Variants in PDE5A observed in about 807,000 individuals in gnomAD.
The protein encoded by PDE5A is phosphodiesterase 5A.
In PDE5A, 67 loss-of-function variants were observed where a neutral mutation model predicts 110.2. That is an observed-to-expected ratio of 0.61 (90% CI 0.50 to 0.75). PDE5A has a LOEUF of 0.75. PDE5A is among the 30% of genes least tolerant of loss of function. The pLI is 0.00. For missense variants in PDE5A, 862 were observed against 1,045.1 expected (o/e 0.82, Z 2.42); for synonymous variants, 328 against 351.2 (o/e 0.93, Z 0.74).
At chr4:119,501,013 T>TACAA (rs1725302510) in intron 20 of PDE5A, 157 bp downstream of exon 20, 4 of 593,930 alleles carry the variant, frequency 6.7e-6, no homozygotes, top group Non-Finnish European at 1.2e-5. Context: ...CCTTGTTCAA[T>TACAA]ACAAACATGT....
chr4:119,504,424 T>G, intron 18 of PDE5A, 112 bp downstream of exon 18: 1 of 749,582 alleles, frequency 1.3e-6, no homozygotes, highest in African/African-American at 1.8e-5. Flanking sequence ...CATATAAGTG[T>G]CTTTTTTATA....
intron 9 of PDE5A, among the ~76,000 whole-genome samples, chr4:119,545,554 G>A (rs1196458770): frequency 6.6e-6 from 1 of 152,176 alleles, no homozygotes; most frequent in African/African-American, 2.4e-5. Context: ...CAAACTATCA[G>A]TGTTACCTAA....
Position 119,628,626 on chromosome 4 carries a change from G to C in PDE5A, c.46C>G (p.Gln16Glu). ...PSFGQQRQQQQPQQQKQQQRD... is the reference protein window; with the variant it reads ...PSFGQQRQQQEPQQQKQQQRD... ...TGCTGCTGCTTCTGCTGCTGGGGCT[G>C]CTGCTGCTGTCGCTGCTGCCCGAAG... Residue 16 changes from glutamine to glutamate, a missense_variant, in exon 1 of 21, where the codon CAG becomes GAG. Coordinates refer to ENST00000354960, the MANE Select transcript of PDE5A (RefSeq NM_001083.4). 1 of 1,613,912 alleles carries C rather than the reference G, an allele frequency of 6.2e-7. No homozygotes were observed. Among genetic ancestry groups the C allele is most frequent in the Non-Finnish European group, 8.5e-7 (1 of 1,179,912 alleles).
chr4:119,565,958 TTAA>T (rs1403593947), intron 4 of PDE5A, among the ~76,000 whole-genome samples: 2 of 134,716 alleles, frequency 1.5e-5, no homozygotes, highest in Non-Finnish European at 1.6e-5. Flanking sequence ...TTATTATTAA[TTAA>T]TATTATTATA....
At chr4:119,600,739 ACT>A (rs1053027036) in intron 2 of PDE5A, among the ~76,000 whole-genome samples, 4 of 152,154 alleles carry the variant, frequency 2.6e-5, no homozygotes, top group African/African-American at 9.7e-5. Flanking sequence ...AGAAGGCAAA[ACT>A]CTCTCTTACA....
In PDE5A at chr4:119,525,741, A is replaced by G; in HGVS notation, c.1633-46T>C. ...AAAAAAAAATGCTGTTAATTAAAGC[A>G]GCAGTGATTTGCAAGGTTTTCTTGT... On this transcript the variant is annotated intron_variant, in intron 11 of 20. Coordinates refer to ENST00000354960, the MANE Select transcript of PDE5A (RefSeq NM_001083.4). This position sits in a 1 kb window ranked among gnomAD's most constrained non-coding sequence, Gnocchi z 4.3. 2.6e-6 allele frequency: 4 copies of G among 1,561,742 alleles called. No individual in the cohort carries two copies. Among genetic ancestry groups the G allele is most frequent in the Non-Finnish European group, 3.5e-6 (4 of 1,150,052 alleles).
chr4:119,543,045 T>TACACAC (rs70944890), intron 9 of PDE5A: 7,290 of 124,346 alleles, frequency 0.059, 371 homozygotes, highest in African/African-American at 0.096. Context: ...AAGTTAAACA[T>TACACAC]ACACACACAC....
chr4:119,565,196 ATAAAG>A (rs971841295), intron 5 of PDE5A, 120 bp downstream of exon 5: 9 of 651,652 alleles, frequency 1.4e-5, no homozygotes, highest in Non-Finnish European at 2.4e-5. Flanking sequence ...ACTAGAAAAA[ATAAAG>A]TATTGAGAAA....
intron 11 of PDE5A, among the ~76,000 whole-genome samples, chr4:119,532,601 A>G (rs1027695593): frequency 6.6e-6 from 1 of 152,146 alleles, no homozygotes; most frequent in African/African-American, 2.4e-5. Flanking sequence ...AAGAAACTTT[A>G]TAGAAAATAA....
At chr4:119,512,288 T>C (rs1725769700) in intron 14 of PDE5A, 1 of 152,174 alleles carries the variant, frequency 6.6e-6, no homozygotes. Context: ...TATTTACTGT[T>C]GTCCTAACCT....
At chr4:119,572,788 A>T (rs1371140320) in intron 3 of PDE5A, among the ~76,000 whole-genome samples, 1 of 152,204 alleles carries the variant, frequency 6.6e-6, no homozygotes, top group African/African-American at 2.4e-5. Context: ...CAGGCACAAA[A>T]GACGCATTGA....
In PDE5A at chr4:119,568,983, A is replaced by C. The variant is rs1728045429; in HGVS notation, c.832-1839T>G. Among the ~76,000 whole-genome samples, 4 of 152,120 alleles carry C rather than the reference A, an allele frequency of 2.6e-5. 1 individual carries two copies. The highest frequency in any genetic ancestry group is 9.7e-5 in the African/African-American group (4 of 41,436). On this transcript the variant is annotated intron_variant, in intron 3 of 20. Coordinates refer to ENST00000354960, the MANE Select transcript of PDE5A (RefSeq NM_001083.4). ...TCAAACTATATTAACATTTTAGTCC[A>C]TCATCATATCAACATAAATTTACAG...
At chr4:119,567,984 A>G (rs999097005) in intron 3 of PDE5A, among the ~76,000 whole-genome samples, 1 of 152,090 alleles carries the variant, frequency 6.6e-6, no homozygotes, top group African/African-American at 2.4e-5. Context: ...CTTTAGTTCT[A>G]TGTGGATGGT....
intron 3 of PDE5A, among the ~76,000 whole-genome samples, chr4:119,584,464 A>T (rs1273941365): frequency 6.6e-6 from 1 of 152,146 alleles, no homozygotes; most frequent in Non-Finnish European, 1.5e-5. Context: ...TAAACCTACT[A>T]AACAGAAGTG....
In PDE5A at chr4:119,495,145, T is replaced by C. The variant is rs1725015823; in HGVS notation, c.*3456A>G. 1 of 152,118 alleles carries C rather than the reference T, an allele frequency of 6.6e-6. No individual in the cohort carries two copies. Among genetic ancestry groups the C allele is most frequent in the African/African-American group, 2.4e-5 (1 of 41,420 alleles). 9.4% of individuals were successfully genotyped at this position (152,118 alleles called of 1,614,324 possible). On this transcript the variant is annotated 3_prime_UTR_variant, in exon 21 of 21. Transcript: ENST00000354960. ...AGGTAAAGAAGGTGCATAAAACATA[T>C]GTTATTGATGAAAATGGAAATGATG...
In PDE5A at chr4:119,501,245, C is replaced by A; in HGVS notation, c.2415G>T (p.Met805Ile). 6.3e-7 allele frequency: 1 copy of A among 1,598,988 alleles called. No individual in the cohort carries two copies. Among genetic ancestry groups the A allele is most frequent in the Non-Finnish European group, 8.6e-7 (1 of 1,166,570 alleles). The change falls in exon 20 of 21, where the codon ATG becomes ATT. Residue 805 changes from methionine to isoleucine, a missense_variant. By Grantham distance (10) the Met-to-Ile change is conservative. Coordinates refer to ENST00000354960, the MANE Select transcript of PDE5A (RefSeq NM_001083.4). ...KELNIEPTDL[M>I]NREKKNKIPS... ...GGATTTTGTTTTTCTTCTCCCTGTT[C>A]ATTAGATCCTGAAAATACAAATACA...
At chr4:119,624,891 G>A (rs1730284141) in intron 1 of PDE5A, among the ~76,000 whole-genome samples, 1 of 152,182 alleles carries the variant, frequency 6.6e-6, no homozygotes, top group African/African-American at 2.4e-5. Context: ...GAGTTTTCCA[G>A]ATGTGATTTA....
chr4:119,612,466 C>T (rs1729790631), intron 1 of PDE5A, among the ~76,000 whole-genome samples: 1 of 152,210 alleles, frequency 6.6e-6, no homozygotes, highest in South Asian at 2.1e-4. Context: ...GTTTCCACTT[C>T]ACTTTCCATA....
intron 14 of PDE5A, among the ~76,000 whole-genome samples, chr4:119,517,602 CTTTCT>C (rs1725960484): frequency 8.8e-6 from 1 of 113,712 alleles, no homozygotes; most frequent in African/African-American, 3.4e-5. Flanking sequence ...TTTTCTTTTT[CTTTCT>C]TTTTTTTTTT....
Sources: allele counts gnomAD v4.1 joint callset (sites outside exome capture counted in the v4.1 genomes callset), GRCh38; gene constraint gnomAD v4.1.1; non-coding constraint Gnocchi (gnomAD v3.1); transcripts MANE v1.5; gene names NCBI Gene and HGNC (gene_info 2026-07-23, HGNC 2026-07-21).